Variants in THEMIS observed in about 807,000 individuals in gnomAD.
THEMIS encodes thymocyte selection associated.
Under a neutral mutation model 52.6 loss-of-function variants are expected in THEMIS, and 37 were observed. That is an observed-to-expected ratio of 0.70 (90% confidence interval 0.54 to 0.93). The LOEUF (loss-of-function observed/expected upper bound fraction) is 0.93. Among genes scored for constraint, THEMIS ranks in the 40% least tolerant of loss-of-function variants. The pLI is 0.00. For synonymous variants in THEMIS, 292 were observed against 272.7 expected (o/e 1.07, Z -0.70); for missense variants, 808 against 763.1 (o/e 1.06, Z -0.69).
At chr6:127,700,959 A>G in the THEMIS span, among the ~76,000 whole-genome samples, 1 of 152,072 alleles carries the variant, frequency 6.6e-6, no homozygotes, top group South Asian at 2.1e-4. Context: ...ACTTTACCCC[A>G]GGGTACCCCA....
intron 4 of THEMIS, among the ~76,000 whole-genome samples, chr6:127,756,329 CA>C (rs2114362627): frequency 6.6e-6 from 1 of 152,042 alleles, no homozygotes; most frequent in African/African-American, 2.4e-5. Flanking sequence ...TTTGCAGCAG[CA>C]AAAAAGATGG....
At chr6:127,832,105 A>G (rs1778715217) in intron 2 of THEMIS, among the ~76,000 whole-genome samples, 1 of 152,202 alleles carries the variant, frequency 6.6e-6, no homozygotes, top group Admixed American at 6.5e-5. Flanking sequence ...TCCTAGCTAT[A>G]TCGATGACAT....
chr6:127,910,191 G>A (rs1056354538), intron 1 of THEMIS: 3 of 151,996 alleles, frequency 2.0e-5, no homozygotes, highest in Non-Finnish European at 4.4e-5. Flanking sequence ...TAAGTAAAAG[G>A]CTTGTTATAG....
chr6:127,768,946 C>T (rs1776286644), intron 4 of THEMIS, among the ~76,000 whole-genome samples: 1 of 152,172 alleles, frequency 6.6e-6, no homozygotes, highest in South Asian at 2.1e-4. Context: ...ATCTTACAAC[C>T]TGAGACAACA....
At position 127,798,756 on chromosome 6, in the gene THEMIS, C is replaced by T. The variant is rs544212098; in HGVS notation, c.1758+14127G>A. On this transcript the variant is annotated intron_variant, in intron 4 of 5. Transcript: ENST00000368248. ...CTGTAATCCCAGCACTTTGGGAGGC[C>T]GAGGCGGGCGGATCACGAGGTCAGG... 1.3e-4 allele frequency among the ~76,000 whole-genome samples: 19 copies of T among 151,924 alleles called. No homozygotes were observed. In the East Asian group the frequency reaches 2.1e-3, roughly 17 times the overall value.
At chr6:127,863,093 C>G (rs760392142) in intron 1 of THEMIS, among the ~76,000 whole-genome samples, 2 of 152,162 alleles carry the variant, frequency 1.3e-5, no homozygotes, top group Non-Finnish European at 2.9e-5. Context: ...CTCATTCAAT[C>G]ATTTATTCCA....
intron 4 of THEMIS, among the ~76,000 whole-genome samples, chr6:127,733,480 G>A (rs887743431): frequency 1.3e-5 from 2 of 152,174 alleles, no homozygotes; most frequent in Non-Finnish European, 2.9e-5. Flanking sequence ...GACATCAAGG[G>A]TGCCACTGTG....
intron 1 of THEMIS, among the ~76,000 whole-genome samples, chr6:127,908,468 AT>A (rs547287450): frequency 2.6e-5 from 4 of 152,214 alleles, no homozygotes; most frequent in Admixed American, 1.3e-4. Flanking sequence ...CGATCTGCGT[AT>A]TTTTTTACAC....
In THEMIS at chr6:127,916,530, G is replaced by A. The variant is rs150504920; in HGVS notation, c.-150+1898C>T. On this transcript the variant is annotated intron_variant, in intron 1 of 6. Transcript: ENST00000368250. ...CTTCTGCCTGGTTTAAGAGGGGCAT[G>A]ATCAAAGCTAGAACTGTATCCTTTC... Among the ~76,000 whole-genome samples, 203 of 152,322 alleles carry A rather than the reference G, an allele frequency of 1.3e-3. 1 individual carries two copies. Among genetic ancestry groups the A allele is most frequent in the African/African-American group, 4.7e-3 (194 of 41,576 alleles).
chr6:127,751,593 C>A (rs1015723092), intron 4 of THEMIS, among the ~76,000 whole-genome samples: 3 of 151,348 alleles, frequency 2.0e-5, no homozygotes, highest in Admixed American at 2.0e-4. Flanking sequence ...CAAAGAAGAC[C>A]ATCAATAAAA....
At chr6:127,753,767 T>A (rs1775727068) in intron 4 of THEMIS, among the ~76,000 whole-genome samples, 1 of 151,436 alleles carries the variant, frequency 6.6e-6, no homozygotes, top group South Asian at 2.1e-4. Flanking sequence ...AGTGGGGAGG[T>A]GGTGGTCAAA....
intron 4 of THEMIS, among the ~76,000 whole-genome samples, chr6:127,745,109 C>G (rs1775342593): frequency 6.6e-6 from 1 of 151,924 alleles, no homozygotes; most frequent in African/African-American, 2.4e-5. Context: ...AAACAATACT[C>G]TCTTTAATGC....
chr6:127,864,092 G>A (rs912235156), intron 1 of THEMIS, among the ~76,000 whole-genome samples: 1 of 152,106 alleles, frequency 6.6e-6, no homozygotes, highest in Non-Finnish European at 1.5e-5. Flanking sequence ...GTCTTGACAA[G>A]ATAGGCTTTA....
intron 1 of THEMIS, among the ~76,000 whole-genome samples, chr6:127,868,700 G>A (rs1780061060): frequency 6.6e-6 from 1 of 152,118 alleles, no homozygotes; most frequent in Non-Finnish European, 1.5e-5. Context: ...GGGTTGAGAG[G>A]AATGGTTCAG....
intron 1 of THEMIS, among the ~76,000 whole-genome samples, chr6:127,897,643 G>A (rs369826871): frequency 2.0e-4 from 30 of 151,532 alleles, no homozygotes; most frequent in Middle Eastern, 3.4e-3. Flanking sequence ...TGATAATATC[G>A]TGTTACTAAG....
chr6:127,880,130 T>C (rs996932484), intron 1 of THEMIS, among the ~76,000 whole-genome samples: 1 of 152,194 alleles, frequency 6.6e-6, no homozygotes, highest in African/African-American at 2.4e-5. Context: ...GGGGCTTTTA[T>C]TTTATATGTT....
chr6:127,717,489 G>T (rs1164110597), intron 5 of THEMIS, among the ~76,000 whole-genome samples: 1 of 151,812 alleles, frequency 6.6e-6, no homozygotes, highest in African/African-American at 2.4e-5. Context: ...CAACAAGAGT[G>T]AATCAAGGAC....
At chr6:127,764,904 T>C (rs1221726914) in intron 4 of THEMIS, among the ~76,000 whole-genome samples, 1 of 152,048 alleles carries the variant, frequency 6.6e-6, no homozygotes, top group African/African-American at 2.4e-5. Flanking sequence ...CTTCATTTTG[T>C]TCTGACATCT....
At chr6:127,846,611 A>G (rs12204618) in intron 2 of THEMIS, among the ~76,000 whole-genome samples, 5,883 of 152,056 alleles carry the variant, frequency 0.039, 126 homozygotes, top group Middle Eastern at 0.061. Flanking sequence ...CCATGAGCAG[A>G]CCAATAACAA....
Sources: allele counts gnomAD v4.1 joint callset (sites outside exome capture counted in the v4.1 genomes callset), GRCh38; gene constraint gnomAD v4.1.1; transcripts MANE v1.5; gene names NCBI Gene and HGNC (gene_info 2026-07-23, HGNC 2026-07-21).